LARS2: variants seen among roughly 807,000 people sequenced by gnomAD.
LARS2 encodes leucyl-tRNA synthetase 2, mitochondrial, also known as leucine--tRNA ligase, mitochondrial.
A neutral mutation model predicts 116.6 loss-of-function variants in LARS2; 81 were observed. The ratio of observed to expected loss-of-function variants is 0.69; its 90% CI spans 0.58 to 0.84. LARS2 has a LOEUF of 0.84. Ranked by LOEUF, LARS2 falls within the 40% of genes least tolerant of loss-of-function variation. The pLI is 0.00. For missense variants in LARS2, 968 were observed against 1,114.5 expected (o/e 0.87, Z 1.87); for synonymous variants, 396 against 407.2 (o/e 0.97, Z 0.33).
At chr3:45,427,744 G>A (rs752351421) in intron 6 of LARS2, among the ~76,000 whole-genome samples, 5 of 151,882 alleles carry the variant, frequency 3.3e-5, no homozygotes, top group Non-Finnish European at 7.4e-5. Context: ...TCCTCCTCCA[G>A]TCACAACTCT....
intron 14 of LARS2, among the ~76,000 whole-genome samples, chr3:45,499,453 T>G (rs1700081745): frequency 7.0e-6 from 1 of 142,866 alleles, no homozygotes; most frequent in Non-Finnish European, 1.5e-5. Context: ...AAAAGAAAAT[T>G]AAAAAAAAAA....
intron 6 of LARS2, among the ~76,000 whole-genome samples, chr3:45,424,483 G>A (rs551311830): frequency 5.9e-5 from 9 of 152,202 alleles, no homozygotes; most frequent in African/African-American, 9.6e-5. Flanking sequence ...TGTACATCAC[G>A]GACTATCAGT....
Position 45,422,247 on chromosome 3 carries a change from A to T in LARS2, c.516+2518A>T, listed in dbSNP as rs373656321. On this transcript the variant is annotated intron_variant, in intron 6 of 21. Transcript: ENST00000645846. ...TTTCATGTGTTTAATGAATGTTTGA[A>T]TTTGAACAGGGTATGTATGTGAATG... 17 of 152,174 alleles carry T rather than the reference A, an allele frequency of 1.1e-4. No individual in the cohort carries two copies. The East Asian group carries it at 2.5e-3, about 22-fold the overall frequency. 9.4% of individuals were successfully genotyped at this position (152,174 alleles called of 1,614,324 possible). A position where few individuals can be genotyped will look rare whatever the true frequency, so the allele number is the denominator to read the frequency against.
chr3:45,489,394 C>A (rs950297560), intron 12 of LARS2, among the ~76,000 whole-genome samples: 1 of 152,148 alleles, frequency 6.6e-6, no homozygotes, highest in Non-Finnish European at 1.5e-5. Context: ...AACTTGAGCA[C>A]ACATCAGAGT....
At chr3:45,407,814 A>C (rs1033548434) in intron 4 of LARS2, among the ~76,000 whole-genome samples, 2 of 152,320 alleles carry the variant, frequency 1.3e-5, no homozygotes, top group African/African-American at 2.4e-5. Flanking sequence ...TCATAGTAAC[A>C]GTTACGCTGC....
rs776390761 is a variant in LARS2, at chr3:45,524,055, T to C, written c.2351T>C (p.Leu784Pro). ...GAGTTTGAGGATGCTTTGTGTGCCC[T>C]GATGGTAATGGCTGCTCCACTGGCC... is the stretch of plus-strand genomic sequence containing the variant. ...SPEFEDALCA[L>P]MVMAAPLAPH... The change falls in exon 20 of 22, where the codon CTG becomes CCG. Residue 784 changes from leucine (L) to proline (P), a missense_variant. Physicochemically the swap from Leu to Pro is moderately conservative, Grantham distance 98. Transcript: ENST00000645846. 6.2e-7 allele frequency: 1 copy of C among 1,614,084 alleles called. No individual in the cohort carries two copies. The highest frequency in any genetic ancestry group is 8.5e-7 in the Non-Finnish European group (1 of 1,179,944).
rs777455735 is a variant in LARS2 at position 45,488,835 on chromosome 3, C to T, written c.1239+23C>T. ...GAGGTTGGTGACTAAGAACTTACTTCCAGAATGATCACCTTGATACGACTT... is the reference window on the plus strand; with the variant it reads ...GAGGTTGGTGACTAAGAACTTACTTTCAGAATGATCACCTTGATACGACTT... On this transcript the variant is annotated intron_variant, in intron 12 of 21. Coordinates refer to ENST00000645846, the MANE Select transcript of LARS2 (RefSeq NM_015340.4). 2.2e-6 allele frequency: 3 copies of T among 1,367,182 alleles called. No individual in the cohort carries two copies. The East Asian group carries it at 6.9e-5, about 31-fold the overall frequency. The allele number at this position is 1,367,182 out of a possible 1,614,324, so 84.7% of individuals were successfully genotyped here.
intron 15 of LARS2, among the ~76,000 whole-genome samples, chr3:45,509,039 C>T (rs977908132): frequency 5.9e-5 from 9 of 151,546 alleles, no homozygotes; most frequent in African/African-American, 2.2e-4. Flanking sequence ...CATCACTGTG[C>T]TTACATATAG....
intron 10 of LARS2, 26 bp from the exon 11 acceptor site, chr3:45,485,666 C>A (rs1559484054): frequency 1.5e-6 from 2 of 1,360,934 alleles, no homozygotes; most frequent in South Asian, 1.2e-5. Context: ...TGAGTGGCAT[C>A]CACAGTTATT....
At chr3:45,490,423 A>C (rs1025431196) in intron 12 of LARS2, among the ~76,000 whole-genome samples, 2 of 152,196 alleles carry the variant, frequency 1.3e-5, no homozygotes, top group Non-Finnish European at 2.9e-5. Context: ...ATCTAGAGTA[A>C]AATAATTATT....
At chr3:45,415,503 C>T (rs750372210) in intron 4 of LARS2, among the ~76,000 whole-genome samples, 12 of 152,092 alleles carry the variant, frequency 7.9e-5, no homozygotes, top group Non-Finnish European at 1.3e-4. Flanking sequence ...ACACATGGAA[C>T]CTTTCTTATA....
intron 10 of LARS2, among the ~76,000 whole-genome samples, chr3:45,478,195 C>A (rs1699646161): frequency 6.6e-6 from 1 of 152,112 alleles, no homozygotes; most frequent in Non-Finnish European, 1.5e-5. Context: ...ATTTTCTTTC[C>A]TTGCTCAAAA....
intron 15 of LARS2, among the ~76,000 whole-genome samples, chr3:45,509,847 GCT>G (rs1700260183): frequency 6.6e-6 from 1 of 151,830 alleles, no homozygotes; most frequent in Admixed American, 6.6e-5. Flanking sequence ...GCATTCCCCT[GCT>G]CTCATTCTCT....
intron 20 of LARS2, among the ~76,000 whole-genome samples, chr3:45,539,995 G>T (rs1237884281): frequency 6.6e-6 from 1 of 152,102 alleles, no homozygotes; most frequent in Non-Finnish European, 1.5e-5. Flanking sequence ...CTGGGGTTGG[G>T]TGCGGTGGCT....
At chr3:45,516,402 G>C (rs1242482622) in intron 17 of LARS2, 126 bp downstream of exon 17, 7 of 858,986 alleles carry the variant, frequency 8.1e-6, no homozygotes, top group Non-Finnish European at 1.1e-5. Context: ...GTTCCATAGA[G>C]CAAGTAGCAG....
intron 16 of LARS2, among the ~76,000 whole-genome samples, chr3:45,514,881 C>T (rs540827606): frequency 2.0e-5 from 3 of 152,364 alleles, no homozygotes; most frequent in South Asian, 2.1e-4. Flanking sequence ...CTTCAGTCTC[C>T]CCTTCTCTGC....
At chr3:45,458,031 G>A (rs1051571581) in intron 7 of LARS2, among the ~76,000 whole-genome samples, 1 of 152,170 alleles carries the variant, frequency 6.6e-6, no homozygotes, top group African/African-American at 2.4e-5. Flanking sequence ...CTTGAAATGA[G>A]TGATGGTTAC....
intron 5 of LARS2, among the ~76,000 whole-genome samples, chr3:45,418,130 A>G (rs1295324564): frequency 6.6e-6 from 1 of 152,140 alleles, no homozygotes; most frequent in Non-Finnish European, 1.5e-5. Context: ...AGCGGTGCTC[A>G]TTCCTCTCCC....
At chr3:45,417,087 C>CAAA (rs34878832) in intron 4 of LARS2, among the ~76,000 whole-genome samples, 4 of 138,650 alleles carry the variant, frequency 2.9e-5, no homozygotes, top group Non-Finnish European at 3.1e-5. Context: ...AAAAAAAAAA[C>CAAA]AAAAAAAAAA....
Sources: gnomAD v4.1 joint callset for allele counts (sites outside exome capture counted in the v4.1 genomes callset) on GRCh38, gnomAD v4.1.1 for gene constraint, MANE v1.5 for transcripts, NCBI Gene and HGNC (gene_info 2026-07-23, HGNC 2026-07-21) for gene names.